MAMLD1: variants seen among roughly 807,000 people sequenced by gnomAD.
MAMLD1 encodes mastermind like domain containing 1, also known as mastermind-like domain-containing protein 1.
In MAMLD1, 14 loss-of-function variants were observed where a neutral mutation model predicts 45.0. That is an observed-to-expected ratio of 0.31 (90% CI 0.21 to 0.49). The LOEUF is 0.49. MAMLD1 is among the 20% of genes least tolerant of loss of function. MAMLD1 has a pLI of 0.99. For missense variants in MAMLD1, 543 were observed against 603.6 expected (o/e 0.90, Z 1.05); for synonymous variants, 254 against 247.8 (o/e 1.02, Z -0.24).
chrX:150,511,876 A>C, intron 7 of MAMLD1, 128 bp from the exon 8 acceptor site: 1 of 480,557 alleles, frequency 2.1e-6, no homozygotes, highest in Non-Finnish European at 3.1e-6. Flanking sequence ...AGCAGGGGGG[A>C]GCTCAGTAGA....
At chrX:150,384,955 C>T (rs1192035772) in intron 1 of MAMLD1, among the ~76,000 whole-genome samples, 2 of 110,491 alleles carry the variant, frequency 1.8e-5, no homozygotes, top group South Asian at 7.6e-4. Context: ...TTAAAATCTG[C>T]CCTCTTAGCA....
chrX:150,502,498 A>G (rs1490156691), intron 5 of MAMLD1, among the ~76,000 whole-genome samples: 3 of 112,303 alleles, frequency 2.7e-5, no homozygotes, highest in Admixed American at 1.9e-4. Flanking sequence ...GCTTTTGCTG[A>G]CATGGATATC....
At chrX:150,451,804 G>A (rs2035674437) in intron 2 of MAMLD1, among the ~76,000 whole-genome samples, 2 of 110,925 alleles carry the variant, frequency 1.8e-5, no homozygotes, top group African/African-American at 6.6e-5. Context: ...ACAGGGAAGT[G>A]GATTTGACCA....
chrX:150,510,310 G>A (rs782236523), intron 7 of MAMLD1, among the ~76,000 whole-genome samples: 1 of 112,003 alleles, frequency 8.9e-6, no homozygotes, highest in East Asian at 2.8e-4. Context: ...TATTTCAATG[G>A]GACAGGGAAA....
At chrX:150,449,140 G>T (rs2035584370) in intron 2 of MAMLD1, among the ~76,000 whole-genome samples, 1 of 111,112 alleles carries the variant, frequency 9.0e-6, no homozygotes. Flanking sequence ...AGGGTGGGGG[G>T]ATTATTATTA....
intron 1 of MAMLD1, among the ~76,000 whole-genome samples, chrX:150,444,039 C>G (rs782488739): frequency 1.8e-5 from 2 of 112,345 alleles, no homozygotes; most frequent in Admixed American, 1.9e-4. Context: ...TCCTCTGACA[C>G]TGCTCTGGCA....
In MAMLD1 at chrX:150,512,823, T is replaced by G; in HGVS notation, c.*864T>G. 5.2e-6 allele frequency: 6 copies of G among 1,155,869 alleles called. No homozygotes were observed. Among genetic ancestry groups the G allele is most frequent in the Non-Finnish European group, 6.9e-6 (6 of 872,918 alleles). On this transcript the variant is annotated 3_prime_UTR_variant, in exon 8 of 8. Transcript: ENST00000370401. ...CCAGGTCCGTTCGACAGAACGGATA[T>G]TCCCCCTGAGCTGCCACCTGCCGAC...
In MAMLD1 at chrX:150,512,668, C is replaced by T; in HGVS notation, c.*709C>T. On this transcript the variant is annotated 3_prime_UTR_variant, in exon 8 of 8. Transcript: ENST00000370401. ...AGGGCCCGGTGCCTGTAGCAAACAC[C>T]ACCAAGTTCCTCCAGCAGGGTATGG... is the stretch of plus-strand genomic sequence containing the variant. 2.6e-6 allele frequency: 3 copies of T among 1,150,290 alleles called. No individual in the cohort carries two copies. The highest frequency in any genetic ancestry group is 3.5e-6 in the Non-Finnish European group (3 of 869,323). 94.8% of individuals were successfully genotyped at this position (1,150,290 alleles called of 1,213,427 possible). A position where few individuals can be genotyped will look rare whatever the true frequency, so the allele number is the denominator to read the frequency against.
intron 1 of MAMLD1, among the ~76,000 whole-genome samples, chrX:150,372,996 G>A (rs1050452492): frequency 3.6e-5 from 4 of 111,670 alleles, no homozygotes; most frequent in Admixed American, 1.9e-4. Context: ...AATAGGGCTC[G>A]TGGTGAGGTC....
chrX:150,507,222 T>C, intron 6 of MAMLD1, among the ~76,000 whole-genome samples: 1 of 112,441 alleles, frequency 8.9e-6, no homozygotes, highest in East Asian at 2.8e-4. Flanking sequence ...AAAGCGAGTG[T>C]CCCAGTCACT....
rs781901620 is a variant in MAMLD1 at position 150,471,360 on chromosome X, T to TGCA, written c.1803_1805dup (p.Gln606dup). On this transcript the variant is annotated inframe_insertion, in exon 4 of 8. Transcript: ENST00000370401. Reference sequence around the variant, plus strand: ...TCCACGGCCACTGCCACCTTGCAGCTGCAGCAGCAGCAGCAGCAACAGCAG... The same window carrying TGCA: ...TCCACGGCCACTGCCACCTTGCAGCTGCAGCAGCAGCAGCAGCAGCAACAGCAG... The TGCA allele has an allele frequency of 1.3e-5, 16 of 1,199,309 alleles. No homozygotes were observed. The highest frequency in any genetic ancestry group is 2.2e-5 in the Admixed American group (1 of 45,455).
At chrX:150,455,496 T>A (rs1196276974) in intron 2 of MAMLD1, among the ~76,000 whole-genome samples, 1 of 111,230 alleles carries the variant, frequency 9.0e-6, no homozygotes, top group Non-Finnish European at 1.9e-5. Flanking sequence ...GGAGAGATCA[T>A]ATTTATTTGG....
chrX:150,467,922 C>T (rs782008098), intron 3 of MAMLD1, among the ~76,000 whole-genome samples: 3 of 112,311 alleles, frequency 2.7e-5, no homozygotes, highest in Non-Finnish European at 5.6e-5. Context: ...ATACAATGTG[C>T]CCCGTTTCAC....
intron 2 of MAMLD1, among the ~76,000 whole-genome samples, chrX:150,447,874 C>CAGGATGAGA (rs2124604923): frequency 8.9e-6 from 1 of 112,080 alleles, no homozygotes; most frequent in East Asian, 2.8e-4. Flanking sequence ...TTTCTTGCAC[C>CAGGATGAGA]ACTCTCCCTC....
intron 1 of MAMLD1, among the ~76,000 whole-genome samples, chrX:150,425,668 C>T (rs1461055863): frequency 5.4e-5 from 6 of 111,399 alleles, no homozygotes; most frequent in Non-Finnish European, 1.1e-4. Flanking sequence ...ATTCCCGAGA[C>T]CTTACTATGC....
chrX:150,481,090 G>T (rs781878918), intron 5 of MAMLD1, among the ~76,000 whole-genome samples: 1 of 112,889 alleles, frequency 8.9e-6, no homozygotes, highest in Admixed American at 9.3e-5. Flanking sequence ...ACAGATGAAG[G>T]TGGACTACTC....
chrX:150,458,081 T>C lies in MAMLD1; in HGVS notation c.97-4691T>C, dbSNP rs1557405433. Among the ~76,000 whole-genome samples, 3 of 111,407 alleles carry C rather than the reference T, an allele frequency of 2.7e-5. No homozygotes were observed. The South Asian group carries it at 1.2e-3, about 43-fold the overall frequency. Reference sequence around the variant, plus strand: ...GCATCAGAGCTCACCAGCCTGGCTCTAAATCTACTAAGTGGGGTCGATATC... The same window carrying C: ...GCATCAGAGCTCACCAGCCTGGCTCCAAATCTACTAAGTGGGGTCGATATC... On this transcript the variant is annotated intron_variant, in intron 2 of 7. Coordinates refer to ENST00000370401, the MANE Select transcript of MAMLD1 (RefSeq NM_005491.5).
chrX:150,504,241 C>G (rs2037657311), intron 6 of MAMLD1: 1 of 750,386 alleles, frequency 1.3e-6, no homozygotes, highest in Non-Finnish European at 1.6e-6. Flanking sequence ...CCAGAGGGGA[C>G]CTTTGCAGAG....
intron 1 of MAMLD1, among the ~76,000 whole-genome samples, chrX:150,416,996 TTTTTC>T (rs1452306882): frequency 9.1e-6 from 1 of 110,194 alleles, no homozygotes; most frequent in Non-Finnish European, 1.9e-5. Context: ...CACATAGTCT[TTTTTC>T]TTTCTTTCTT....
Sources: allele counts gnomAD v4.1 joint callset (sites outside exome capture counted in the v4.1 genomes callset), GRCh38; gene constraint gnomAD v4.1.1; transcripts MANE v1.5; gene names NCBI Gene and HGNC (gene_info 2026-07-23, HGNC 2026-07-21).